The following WIPF2 variants were observed in gnomAD, a reference collection of about 807,000 sequenced individuals.
The protein encoded by WIPF2 is WAS/WASL-interacting protein family member 2.
Under a neutral mutation model 38.8 loss-of-function variants are expected in WIPF2, and 23 were observed. That is an observed-to-expected ratio of 0.59 (90% CI 0.43 to 0.84). The LOEUF is 0.84. Ranked by LOEUF, WIPF2 falls within the 40% of genes least tolerant of loss-of-function variation. The pLI, the probability that WIPF2 is intolerant of heterozygous loss-of-function variation, is 0.00. For synonymous variants in WIPF2, 210 were observed against 223.2 expected (o/e 0.94, Z 0.53); for missense variants, 574 against 580.5 (o/e 0.99, Z 0.11).
At chr17:40,243,310 C>T (rs1019419588) in intron 1 of WIPF2, among the ~76,000 whole-genome samples, 29 of 152,038 alleles carry the variant, frequency 1.9e-4, no homozygotes, top group African/African-American at 7.0e-4. Flanking sequence ...CTAAATTTGA[C>T]TGGCTTTAAA....
Position 40,219,390 on chromosome 17 carries a change from G to T in WIPF2, c.-172G>T. 2.4e-6 allele frequency: 1 copy of T among 420,754 alleles called. No individual in the cohort carries two copies. The allele number at this position is 420,754 out of a possible 1,614,324, so 26.1% of individuals were successfully genotyped here. ...CGGTGGCGGCGGCGGCGGCGGCGGC[G>T]GCGGCGGCGACGGCGAGAAAGAGCT... On this transcript the variant is annotated 5_prime_UTR_variant, in exon 1 of 8. Transcript: ENST00000323571.
chr17:40,267,157 T>C lies in WIPF2; in HGVS notation c.970+2011T>C, dbSNP rs192273231. Among the ~76,000 whole-genome samples the C allele has an allele frequency of 1.7e-3, 252 of 152,246 alleles. 1 individual carries two copies. Among genetic ancestry groups the C allele is most frequent in the Non-Finnish European group, 2.6e-3 (180 of 68,008 alleles). ...CCCACTTGAGATTATGGGCCATACA[T>C]TTCATGTGAGATTAATTAGTCTCAT... On this transcript the variant is annotated intron_variant, in intron 5 of 7. Coordinates refer to ENST00000323571, the MANE Select transcript of WIPF2 (RefSeq NM_133264.5).
In WIPF2 at chr17:40,219,355, G is replaced by C; in HGVS notation, c.-207G>C. The stretch of plus-strand genomic sequence containing the variant: ...TGGGAGCAGATCCATTTCCGGGTTG[G>C]CAAAAGGGGCGGTGGCGGCGGCGGC... On this transcript the variant is annotated 5_prime_UTR_variant, in exon 1 of 8. Coordinates refer to ENST00000323571, the MANE Select transcript of WIPF2 (RefSeq NM_133264.5). 2 of 390,524 alleles carry C rather than the reference G, an allele frequency of 5.1e-6. No homozygotes were observed. Among genetic ancestry groups the C allele is most frequent in the Non-Finnish European group, 9.6e-6 (2 of 207,686 alleles). 24.2% of individuals were successfully genotyped at this position (390,524 alleles called of 1,614,324 possible).
At chr17:40,277,292 T>C (rs1029195244) in intron 7 of WIPF2, 108 bp downstream of exon 7, 13 of 926,152 alleles carry the variant, frequency 1.4e-5, no homozygotes, top group Non-Finnish European at 2.1e-5. Context: ...CTCATACCTA[T>C]AATCCCAGCA....
At chr17:40,247,711 G>A (rs1182759483) in intron 1 of WIPF2, among the ~76,000 whole-genome samples, 1 of 151,764 alleles carries the variant, frequency 6.6e-6, no homozygotes, top group Non-Finnish European at 1.5e-5. Context: ...TAGTAGAGAT[G>A]GGGTTTCACC....
At chr17:40,250,713 AATT>A (rs2031530795) in intron 1 of WIPF2, among the ~76,000 whole-genome samples, 1 of 151,942 alleles carries the variant, frequency 6.6e-6, no homozygotes, top group Non-Finnish European at 1.5e-5. Context: ...AAATACTTAA[AATT>A]CTGTAGAGAA....
intron 7 of WIPF2, 21 bp downstream of exon 7, chr17:40,277,205 G>A (rs751680486): frequency 2.7e-6 from 4 of 1,483,942 alleles, no homozygotes; most frequent in Non-Finnish European, 1.9e-6. Flanking sequence ...TAATAAGAAG[G>A]TTTTTCCATA....
At chr17:40,258,351 T>G (rs1374820654) in intron 2 of WIPF2, among the ~76,000 whole-genome samples, 1 of 151,780 alleles carries the variant, frequency 6.6e-6, no homozygotes, top group African/African-American at 2.4e-5. Flanking sequence ...CCCAGCACTT[T>G]GGGAGGCCGA....
chr17:40,266,417 G>A (rs1684166719), intron 5 of WIPF2, among the ~76,000 whole-genome samples: 1 of 152,080 alleles, frequency 6.6e-6, no homozygotes, highest in South Asian at 2.1e-4. Flanking sequence ...GCCCAGTGCT[G>A]CAGATGGGTC....
intron 7 of WIPF2, 75 bp downstream of exon 7, chr17:40,277,259 T>G: frequency 7.3e-7 from 1 of 1,373,602 alleles, no homozygotes; most frequent in Non-Finnish European, 1.0e-6. Context: ...AGGTTAAAAT[T>G]TGCTTCTCGC....
At chr17:40,225,065 C>T (rs1396854673) in intron 1 of WIPF2, among the ~76,000 whole-genome samples, 2 of 151,998 alleles carry the variant, frequency 1.3e-5, no homozygotes, top group African/African-American at 2.4e-5. Context: ...TTGGCAGATC[C>T]TGAGAGCTGC....
intron 1 of WIPF2, among the ~76,000 whole-genome samples, chr17:40,222,676 T>G (rs1296822649): frequency 1.9e-5 from 2 of 106,114 alleles, no homozygotes; most frequent in African/African-American, 4.0e-5. Flanking sequence ...TTTTTTTTTT[T>G]TTTTTTTTTT....
chr17:40,278,411 C>CA lies in WIPF2; in HGVS notation c.*187dup, dbSNP rs2032474065. ...GCATCTCATCTCTGGATTTGGTGAT[C>CA]AGACTCTATATTGACAGTAGGATCT... On this transcript the variant is annotated 3_prime_UTR_variant, in exon 8 of 8. Coordinates refer to ENST00000323571, the MANE Select transcript of WIPF2 (RefSeq NM_133264.5). 1 of 662,874 alleles carries CA rather than the reference C, an allele frequency of 1.5e-6. No homozygotes were observed. 41.1% of individuals were successfully genotyped at this position (662,874 alleles called of 1,614,324 possible).
At chr17:40,233,435 T>G (rs188154180) in intron 1 of WIPF2, among the ~76,000 whole-genome samples, 1 of 152,236 alleles carries the variant, frequency 6.6e-6, no homozygotes, top group African/African-American at 2.4e-5. Context: ...TTGCAATTTT[T>G]TTTCCCTGAT....
intron 1 of WIPF2, among the ~76,000 whole-genome samples, chr17:40,229,233 T>G (rs1231167405): frequency 1.4e-5 from 2 of 145,596 alleles, no homozygotes; most frequent in Admixed American, 1.4e-4. Context: ...TGCCTCAGCT[T>G]CCCGAGTAGC....
At chr17:40,227,242 T>C (rs1400207545) in intron 1 of WIPF2, among the ~76,000 whole-genome samples, 2 of 152,182 alleles carry the variant, frequency 1.3e-5, no homozygotes, top group East Asian at 3.9e-4. Flanking sequence ...GGTTTCACCA[T>C]GTTGGCCAGG....
rs2031731507 is a variant in WIPF2, at chr17:40,256,394, T to C, written c.-66T>C. 3.8e-6 allele frequency: 6 copies of C among 1,571,834 alleles called. No individual in the cohort carries two copies. The highest frequency in any genetic ancestry group is 5.1e-6 in the Non-Finnish European group (6 of 1,167,098). Reference sequence around the variant, plus strand: ...TGAGTTTCTTTTTCATTTGCAGGTATATGAATGACCTAAAGGTACAAATAA... The same window carrying C: ...TGAGTTTCTTTTTCATTTGCAGGTACATGAATGACCTAAAGGTACAAATAA... On this transcript the variant is annotated 5_prime_UTR_variant, in exon 2 of 8. Coordinates refer to ENST00000323571, the MANE Select transcript of WIPF2 (RefSeq NM_133264.5).
chr17:40,260,752 C>A, intron 3 of WIPF2, 85 bp downstream of exon 3: 1 of 1,572,870 alleles, frequency 6.4e-7, no homozygotes. Flanking sequence ...TTTTATTGGG[C>A]CTTGAGTGGG....
chr17:40,227,923 GTT>G (rs933995111), intron 1 of WIPF2, among the ~76,000 whole-genome samples: 1 of 115,790 alleles, frequency 8.6e-6, no homozygotes, highest in African/African-American at 3.2e-5. Flanking sequence ...TATATTTCTT[GTT>G]TTTTTTTTTG....
Sources: allele counts gnomAD v4.1 joint callset (sites outside exome capture counted in the v4.1 genomes callset), GRCh38; gene constraint gnomAD v4.1.1; transcripts MANE v1.5; gene names NCBI Gene and HGNC (gene_info 2026-07-23, HGNC 2026-07-21).